Variants in ZHX2 observed in about 807,000 individuals in gnomAD.
The protein encoded by ZHX2 is zinc fingers and homeoboxes protein 2.
A neutral mutation model predicts 21.9 loss-of-function variants in ZHX2; 6 were observed. That is an observed-to-expected ratio of 0.27 (90% CI 0.15 to 0.54). ZHX2 has a LOEUF of 0.54. Ranked by LOEUF, ZHX2 falls within the 20% of genes least tolerant of loss-of-function variation. The probability of loss-of-function intolerance (pLI) is 0.95; values close to 1 mark genes in which losing one functional copy is unlikely to be tolerated. For synonymous variants in ZHX2, 434 were observed against 437.1 expected (o/e 0.99, Z 0.09); for missense variants, 908 against 1,090.7 (o/e 0.83, Z 2.36).
At chr8:122,853,046 A>G (rs1317711018) in intron 1 of ZHX2, among the ~76,000 whole-genome samples, 1 of 152,192 alleles carries the variant, frequency 6.6e-6, no homozygotes, top group Non-Finnish European at 1.5e-5. Flanking sequence ...AAAAAGGTTG[A>G]GAAAACTGAT....
chr8:122,928,132 A>G (rs1244414654), intron 2 of ZHX2, among the ~76,000 whole-genome samples: 2 of 152,170 alleles, frequency 1.3e-5, no homozygotes, highest in African/African-American at 4.8e-5. Context: ...GCCCTAAGCC[A>G]GGCTCCATCT....
chr8:122,791,602 C>T (rs952403907), intron 1 of ZHX2, among the ~76,000 whole-genome samples: 24 of 152,148 alleles, frequency 1.6e-4, no homozygotes, highest in African/African-American at 4.6e-4. Flanking sequence ...CGGTGGCTCA[C>T]GCCTGTAATC....
intron 2 of ZHX2, among the ~76,000 whole-genome samples, chr8:122,876,074 CCCATCCCT>C (rs1353160114): frequency 6.8e-6 from 1 of 147,314 alleles, no homozygotes; most frequent in Admixed American, 6.9e-5. Flanking sequence ...CATCCACCCA[CCCATCCCT>C]CCATCCCTCC....
intron 1 of ZHX2, among the ~76,000 whole-genome samples, chr8:122,822,372 T>A (rs373569466): frequency 6.6e-6 from 1 of 152,062 alleles, no homozygotes; most frequent in Non-Finnish European, 1.5e-5. Context: ...ATCAACCCCC[T>A]TCCTTCAAAA....
At chr8:122,864,613 G>A (rs1196511776) in intron 2 of ZHX2, among the ~76,000 whole-genome samples, 5 of 152,082 alleles carry the variant, frequency 3.3e-5, no homozygotes, top group Non-Finnish European at 7.4e-5. Flanking sequence ...AAGGCATGGG[G>A]GAACAGGTGG....
intron 1 of ZHX2, among the ~76,000 whole-genome samples, chr8:122,794,662 A>G (rs11778994): frequency 0.3 from 45,602 of 151,984 alleles, 7,376 homozygotes; most frequent in Non-Finnish European, 0.37. Flanking sequence ...CCTGACCCTG[A>G]CATGGTGGCT....
In ZHX2 at chr8:122,952,460, A is replaced by C. The variant is rs1813146766; in HGVS notation, c.950A>C (p.His317Pro). Reference sequence around the variant, plus strand: ...TGGTTTGCCACCCAGCGCTTAAAGCATGGCATCAGCTGGTCCCCAGAAGAG... The same window carrying C: ...TGGTTTGCCACCCAGCGCTTAAAGCCTGGCATCAGCTGGTCCCCAGAAGAG... ...RIWFATQRLKHGISWSPEEVE... is the reference protein window; with the variant it reads ...RIWFATQRLKPGISWSPEEVE... Residue 317 changes from histidine (H) to proline (P), a missense_variant, in exon 3 of 4, where the codon CAT becomes CCT. His to Pro is a moderately conservative substitution (Grantham distance 77). This residue lies in a region of ZHX2 where 232 missense variants were observed against 361.8 expected (regional missense o/e 0.64). Coordinates refer to ENST00000314393, the MANE Select transcript of ZHX2 (RefSeq NM_014943.5). The surrounding 1 kb of genome is among the most constrained non-coding windows in gnomAD (Gnocchi z 6.9). 6.2e-7 allele frequency: 1 copy of C among 1,614,214 alleles called. No individual in the cohort carries two copies.
intron 2 of ZHX2, among the ~76,000 whole-genome samples, chr8:122,874,596 G>A (rs937579896): frequency 6.6e-6 from 1 of 152,100 alleles, no homozygotes; most frequent in East Asian, 1.9e-4. Flanking sequence ...GCCTCCCAAA[G>A]TGCTGGGATT....
At chr8:122,888,342 A>G (rs1031465279) in intron 2 of ZHX2, among the ~76,000 whole-genome samples, 1 of 152,150 alleles carries the variant, frequency 6.6e-6, no homozygotes, top group African/African-American at 2.4e-5. Context: ...ATATGTATAC[A>G]ATATGTAAGA....
At chr8:122,859,581 TG>T (rs1174695282) in intron 1 of ZHX2, among the ~76,000 whole-genome samples, 4 of 149,178 alleles carry the variant, frequency 2.7e-5, no homozygotes, top group Admixed American at 2.7e-4. Context: ...CCAGGAACAG[TG>T]GGGGGATTGA....
Position 122,951,746 on chromosome 8 carries a change from A to C in ZHX2, c.236A>C (p.Glu79Ala). The part of the protein sequence containing the change: ...SQSKKLQGGY[E>A]CKYCPYSTQN... ...TCCAAAAAACTCCAAGGTGGTTATG[A>C]GTGCAAATACTGCCCCTACTCCACG... The change falls in exon 3 of 4, where the codon GAG becomes GCG. Residue 79 changes from glutamate to alanine, a missense_variant. Glu to Ala is a moderately radical substitution (Grantham distance 107, BLOSUM62 -1). Transcript: ENST00000314393. 3.7e-6 allele frequency: 6 copies of C among 1,614,178 alleles called. No homozygotes were observed. The highest frequency in any genetic ancestry group is 5.1e-6 in the Non-Finnish European group (6 of 1,180,038).
At chr8:122,876,083 C>G in intron 2 of ZHX2, among the ~76,000 whole-genome samples, 1 of 148,848 alleles carries the variant, frequency 6.7e-6, no homozygotes, top group Non-Finnish European at 1.5e-5. Flanking sequence ...ACCCATCCCT[C>G]CATCCCTCCA....
At chr8:122,858,046 C>T (rs922075530) in intron 1 of ZHX2, among the ~76,000 whole-genome samples, 1 of 152,260 alleles carries the variant, frequency 6.6e-6, no homozygotes, top group African/African-American at 2.4e-5. Context: ...AGACAGGTCA[C>T]TGAAGACTGC....
At chr8:122,836,433 C>T (rs941249292) in intron 1 of ZHX2, among the ~76,000 whole-genome samples, 2 of 152,130 alleles carry the variant, frequency 1.3e-5, no homozygotes, top group African/African-American at 4.8e-5. Flanking sequence ...AGACCTGAGC[C>T]CCTCCCCGGT....
chr8:122,890,346 T>G (rs1819947840), intron 2 of ZHX2, among the ~76,000 whole-genome samples: 1 of 152,198 alleles, frequency 6.6e-6, no homozygotes, highest in African/African-American at 2.4e-5. Flanking sequence ...TACCATACTG[T>G]TTTGTTAACT....
intron 1 of ZHX2, among the ~76,000 whole-genome samples, chr8:122,845,873 G>T (rs1818739335): frequency 6.6e-6 from 1 of 152,228 alleles, no homozygotes; most frequent in Non-Finnish European, 1.5e-5. Context: ...GGGCCTGGAG[G>T]ACTTGGTAGA....
chr8:122,876,435 C>T (rs1054215049), intron 2 of ZHX2, among the ~76,000 whole-genome samples: 5 of 152,126 alleles, frequency 3.3e-5, no homozygotes, highest in Non-Finnish European at 7.3e-5. Flanking sequence ...TCCTGACAGA[C>T]GAGCAGAAGA....
At chr8:122,960,529 C>T (rs878870123) in intron 3 of ZHX2, among the ~76,000 whole-genome samples, 1 of 152,112 alleles carries the variant, frequency 6.6e-6, no homozygotes, top group African/African-American at 2.4e-5. Context: ...CAGAGCAAGA[C>T]TCCATCTCAA....
chr8:122,859,612 G>A (rs1281256031), intron 1 of ZHX2, among the ~76,000 whole-genome samples: 2 of 152,114 alleles, frequency 1.3e-5, no homozygotes, highest in Non-Finnish European at 2.9e-5. Context: ...GGGGAGTGGG[G>A]AGAGATGAGC....
Sources: gnomAD v4.1 joint callset for allele counts (sites outside exome capture counted in the v4.1 genomes callset) on GRCh38, gnomAD v4.1.1 for gene constraint, gnomAD v4.1.1 regional missense constraint, Gnocchi (gnomAD v3.1) non-coding constraint, MANE v1.5 for transcripts, NCBI Gene and HGNC (gene_info 2026-07-23, HGNC 2026-07-21) for gene names.